The following GRIK4 variants were observed in gnomAD, a reference collection of about 807,000 sequenced individuals.
The protein encoded by GRIK4 is glutamate receptor ionotropic, kainate 4.
GRIK4 carries 40 observed loss-of-function variants against 104.9 expected under a neutral mutation model. That is an observed-to-expected ratio of 0.38 (90% CI 0.30 to 0.50). GRIK4 has a LOEUF of 0.50. Among genes scored for constraint, GRIK4 ranks in the 20% least tolerant of loss-of-function variants. GRIK4 has a pLI of 0.93. For synonymous variants in GRIK4, 485 were observed against 524.9 expected, an observed-to-expected ratio of 0.92 and a Z score of 1.04; for missense variants, 1,047 against 1,308.1, an observed-to-expected ratio of 0.80 and a Z score of 3.08.
At chr11:120,527,226 C>G (rs1384441148) in intron 1 of GRIK4, among the ~76,000 whole-genome samples, 1 of 152,214 alleles carries the variant, frequency 6.6e-6, no homozygotes, top group Non-Finnish European at 1.5e-5. Flanking sequence ...TGGCTCTGCC[C>G]CTGCTGGGGT....
intron 3 of GRIK4, among the ~76,000 whole-genome samples, chr11:120,668,510 CTG>C (rs1298926102): frequency 2.6e-5 from 4 of 152,234 alleles, no homozygotes; most frequent in Non-Finnish European, 5.9e-5. Flanking sequence ...CCATCACTCC[CTG>C]TGTTTCAGGT....
intron 14 of GRIK4, among the ~76,000 whole-genome samples, chr11:120,942,298 A>C (rs894776714): frequency 6.6e-6 from 1 of 152,112 alleles, no homozygotes; most frequent in Non-Finnish European, 1.5e-5. Flanking sequence ...CCATCGTTAC[A>C]TCTGTTGGTA....
At chr11:120,661,268 AG>A (rs1244236915) in intron 3 of GRIK4, among the ~76,000 whole-genome samples, 1 of 152,184 alleles carries the variant, frequency 6.6e-6, no homozygotes, top group Non-Finnish European at 1.5e-5. Flanking sequence ...TAGTGTGGAC[AG>A]GTGGGTGGGG....
At chr11:120,789,227 G>C (rs987275454) in intron 3 of GRIK4, among the ~76,000 whole-genome samples, 2 of 152,100 alleles carry the variant, frequency 1.3e-5, no homozygotes, top group African/African-American at 4.8e-5. Flanking sequence ...GCTAAACAGT[G>C]CGCCCCGAAC....
chr11:120,714,595 A>T (rs908244311), intron 3 of GRIK4, among the ~76,000 whole-genome samples: 16 of 152,204 alleles, frequency 1.1e-4, no homozygotes, highest in African/African-American at 3.6e-4. Flanking sequence ...GGAAGTATGA[A>T]GTACTACAGC....
chr11:120,984,340 C>G (rs1944701973), intron 20 of GRIK4, among the ~76,000 whole-genome samples: 1 of 152,222 alleles, frequency 6.6e-6, no homozygotes, highest in Non-Finnish European at 1.5e-5. Context: ...AGAGCATGTA[C>G]AGGCTTGGAG....
intron 3 of GRIK4, among the ~76,000 whole-genome samples, chr11:120,797,859 C>G (rs150796323): frequency 5.6e-4 from 86 of 152,284 alleles, no homozygotes; most frequent in African/African-American, 2.0e-3. Flanking sequence ...AAGATTCGCA[C>G]GTTCCCTATT....
intron 11 of GRIK4, among the ~76,000 whole-genome samples, chr11:120,890,215 TGTACTATGG>T (rs1955245604): frequency 1.3e-5 from 2 of 152,344 alleles, no homozygotes; most frequent in Admixed American, 6.5e-5. Context: ...ACAACAACGC[TGTACTATGG>T]GTAGGCAGGT....
At chr11:120,569,432 G>T (rs1311951164) in intron 1 of GRIK4, among the ~76,000 whole-genome samples, 1 of 152,122 alleles carries the variant, frequency 6.6e-6, no homozygotes, top group East Asian at 1.9e-4. Context: ...ACCACTCTTG[G>T]ACTGGAACAG....
At chr11:120,668,797 G>A (rs888498937) in intron 3 of GRIK4, among the ~76,000 whole-genome samples, 33 of 151,266 alleles carry the variant, frequency 2.2e-4, no homozygotes, top group Admixed American at 1.1e-3. Flanking sequence ...CTTTACTAGT[G>A]TATGACTTTG....
Position 120,645,972 on chromosome 11 carries a change from C to G in GRIK4, c.-158-7713C>G, listed in dbSNP as rs368447619. On this transcript the variant is annotated intron_variant, in intron 1 of 20. Coordinates refer to ENST00000527524, the MANE Select transcript of GRIK4 (RefSeq NM_014619.5). Reference sequence around the variant, plus strand: ...TAACGCTGGGTTAGCACCAGAAGGGCGACTGATCCATTCAGTGCCCCCAGC... The same window carrying G: ...TAACGCTGGGTTAGCACCAGAAGGGGGACTGATCCATTCAGTGCCCCCAGC... Among the ~76,000 whole-genome samples the G allele has an allele frequency of 2.4e-3, 370 of 152,294 alleles. 2 individuals carry two copies. Among genetic ancestry groups the G allele is most frequent in the African/African-American group, 7.8e-3 (323 of 41,554 alleles).
chr11:120,743,022 GGAGTTCGA>G (rs1478760534), intron 3 of GRIK4, among the ~76,000 whole-genome samples: 2 of 152,174 alleles, frequency 1.3e-5, no homozygotes, highest in Non-Finnish European at 2.9e-5. Flanking sequence ...CATGAGGTCA[GGAGTTCGA>G]GACCAGCCTG....
chr11:120,981,680 G>C (rs1944655089), intron 19 of GRIK4, among the ~76,000 whole-genome samples: 1 of 152,220 alleles, frequency 6.6e-6, no homozygotes, highest in African/African-American at 2.4e-5. Context: ...CAAAACAGTT[G>C]CTTTTATATC....
chr11:120,594,441 C>T (rs936775979), intron 1 of GRIK4, among the ~76,000 whole-genome samples: 2 of 152,200 alleles, frequency 1.3e-5, no homozygotes, highest in African/African-American at 2.4e-5. Flanking sequence ...TGCACCGTTG[C>T]ACTTCAGCCT....
intron 3 of GRIK4, among the ~76,000 whole-genome samples, chr11:120,688,184 C>A (rs1442516654): frequency 3.9e-5 from 6 of 152,176 alleles, no homozygotes; most frequent in African/African-American, 1.4e-4. Flanking sequence ...ACTTTCCCCC[C>A]TCAGTAACTG....
intron 13 of GRIK4, among the ~76,000 whole-genome samples, chr11:120,910,560 T>C (rs536972057): frequency 1.3e-5 from 2 of 152,340 alleles, no homozygotes; most frequent in South Asian, 4.1e-4. Flanking sequence ...TGTATCTCAC[T>C]GGAGGTGTGC....
chr11:120,535,403 A>G (rs533088504), intron 1 of GRIK4, among the ~76,000 whole-genome samples: 1 of 151,354 alleles, frequency 6.6e-6, no homozygotes, highest in African/African-American at 2.4e-5. Flanking sequence ...GGAAGGAGGG[A>G]AGAAGGAGTT....
intron 3 of GRIK4, among the ~76,000 whole-genome samples, chr11:120,784,233 T>G (rs1209798352): frequency 3.3e-5 from 5 of 152,214 alleles, no homozygotes; most frequent in Non-Finnish European, 7.3e-5. Flanking sequence ...AACCCCCGTG[T>G]CCTCCTGGAT....
chr11:120,862,425 C>G (rs1408314931), intron 9 of GRIK4: 2 of 281,754 alleles, frequency 7.1e-6, no homozygotes, highest in Non-Finnish European at 1.3e-5. Flanking sequence ...AGTTTAGGAT[C>G]CAAGAATCGG....
Sources: allele counts gnomAD v4.1 joint callset (sites outside exome capture counted in the v4.1 genomes callset), GRCh38; gene constraint gnomAD v4.1.1; transcripts MANE v1.5; gene names NCBI Gene and HGNC (gene_info 2026-07-23, HGNC 2026-07-21).